Variants in RELL1 observed in about 807,000 individuals in gnomAD.
RELL1 encodes the protein RELT-like protein 1.
A neutral mutation model predicts 23.0 loss-of-function variants in RELL1; 10 were observed. The ratio of observed to expected loss-of-function variants is 0.43; its 90% CI spans 0.27 to 0.74. The LOEUF (loss-of-function observed/expected upper bound fraction) is 0.74. RELL1 is among the 30% of genes least tolerant of loss of function. The pLI, the probability that RELL1 is intolerant of heterozygous loss-of-function variation, is 0.19. For synonymous variants in RELL1, 146 were observed against 146.8 expected (o/e 0.99, Z 0.04); for missense variants, 315 against 364.4 (o/e 0.86, Z 1.10).
At chr4:37,604,830 C>CACACACACAGACACACAA (rs1560323701) in intron 6 of RELL1, among the ~76,000 whole-genome samples, 1 of 43,900 alleles carries the variant, frequency 2.3e-5, no homozygotes, top group Non-Finnish European at 5.0e-5. Flanking sequence ...CAGACACACA[C>CACACACACAGACACACAA]ATACACACAG....
At chr4:37,598,171 G>A (rs1409557495) in intron 6 of RELL1, among the ~76,000 whole-genome samples, 3 of 121,190 alleles carry the variant, frequency 2.5e-5, no homozygotes, top group Non-Finnish European at 3.3e-5. Flanking sequence ...TTGGTTGGCT[G>A]CAAATGACAG....
At chr4:37,668,354 T>C (rs1233864566) in intron 1 of RELL1, among the ~76,000 whole-genome samples, 2 of 152,214 alleles carry the variant, frequency 1.3e-5, no homozygotes, top group Non-Finnish European at 2.9e-5. Context: ...TGCCTGCGAT[T>C]GTAGGCCCGC....
At chr4:37,674,671 T>C (rs1028641160) in intron 1 of RELL1, among the ~76,000 whole-genome samples, 1 of 152,208 alleles carries the variant, frequency 6.6e-6, no homozygotes, top group Non-Finnish European at 1.5e-5. Context: ...CATAATTGTG[T>C]TGGGGACTTC....
downstream of RELL1, among the ~76,000 whole-genome samples, chr4:37,586,621 T>C (rs1000280783): frequency 6.6e-6 from 1 of 152,126 alleles, no homozygotes; most frequent in Non-Finnish European, 1.5e-5. Flanking sequence ...TTTAAAAAAA[T>C]GGAAGCAGCC....
chr4:37,681,647 G>A (rs35186781), intron 1 of RELL1, among the ~76,000 whole-genome samples: 1 of 146,476 alleles, frequency 6.8e-6, no homozygotes, highest in Non-Finnish European at 1.5e-5. Flanking sequence ...TCCTGCCTCA[G>A]CCTCCCCAGT....
At chr4:37,606,091 TG>T (rs990977202), downstream of RELL1, among the ~76,000 whole-genome samples, 24 of 100,532 alleles carry the variant, frequency 2.4e-4, no homozygotes, top group Non-Finnish European at 4.0e-4. This position sits in a 1 kb window ranked among gnomAD's most constrained non-coding sequence, Gnocchi z 4.1. Flanking sequence ...AGGGGAAGGA[TG>T]GAAGGCAAGA....
chr4:37,630,356 G>GTTTT (rs59763359), intron 6 of RELL1, among the ~76,000 whole-genome samples: 6 of 86,732 alleles, frequency 6.9e-5, no homozygotes, highest in Non-Finnish European at 1.1e-4. Context: ...TGTGTGTGTG[G>GTTTT]TTTTTTTTTT....
chr4:37,617,381 T>C (rs557125156), intron 6 of RELL1, among the ~76,000 whole-genome samples: 2 of 152,336 alleles, frequency 1.3e-5, no homozygotes, highest in South Asian at 4.1e-4. Context: ...GGGTAAACCC[T>C]GCAAACACAA....
chr4:37,588,938 T>G, downstream of RELL1: 1 of 1,535,624 alleles, frequency 6.5e-7, no homozygotes, highest in Non-Finnish European at 9.0e-7. Flanking sequence ...TGGAGGAATT[T>G]GTGATGAGCG....
In RELL1 at chr4:37,659,027, C is replaced by T. The variant is rs535712612; in HGVS notation, c.89-9527G>A. ...AGGTCATAACCTGGGATCCCTACAG[C>T]CTTGCTGGCTCTTCAAAAACAAGCC... On this transcript the variant is annotated intron_variant, in intron 1 of 6. Transcript: ENST00000454158. Among the ~76,000 whole-genome samples the T allele has an allele frequency of 2.0e-5, 3 of 152,342 alleles. No homozygotes were observed. The East Asian group carries it at 5.8e-4, about 29-fold the overall frequency.
At chr4:37,637,299 T>A (rs1042103116) in intron 4 of RELL1, among the ~76,000 whole-genome samples, 2 of 152,226 alleles carry the variant, frequency 1.3e-5, no homozygotes, top group Non-Finnish European at 2.9e-5. Context: ...ACATCTAACG[T>A]AGCCAGTTTG....
At chr4:37,597,180 G>A (rs1718886405) in intron 6 of RELL1, among the ~76,000 whole-genome samples, 1 of 152,082 alleles carries the variant, frequency 6.6e-6, no homozygotes, top group Non-Finnish European at 1.5e-5. Flanking sequence ...GCTGCCCTCT[G>A]AGCCTTGTTC....
chr4:37,605,111 C>T (rs1719155444), intron 6 of RELL1, among the ~76,000 whole-genome samples: 2 of 152,098 alleles, frequency 1.3e-5, no homozygotes, highest in Non-Finnish European at 2.9e-5. Context: ...AAGAAAGTTA[C>T]AAATAAGGAA....
downstream of RELL1, among the ~76,000 whole-genome samples, chr4:37,607,349 A>G (rs1413468940): frequency 6.6e-6 from 1 of 152,136 alleles, no homozygotes; most frequent in East Asian, 1.9e-4. Context: ...AAATGGAGGG[A>G]AGGGTTTACA....
intron 1 of RELL1, among the ~76,000 whole-genome samples, chr4:37,673,772 C>A (rs1319921993): frequency 3.3e-5 from 5 of 152,104 alleles, no homozygotes; most frequent in Non-Finnish European, 5.9e-5. Flanking sequence ...CTCTGGGGCT[C>A]TTCTATCACA....
At chr4:37,658,600 C>A (rs1038977251) in intron 1 of RELL1, among the ~76,000 whole-genome samples, 1 of 152,166 alleles carries the variant, frequency 6.6e-6, no homozygotes, top group Middle Eastern at 3.2e-3. Flanking sequence ...TGGATTCAAA[C>A]CAGGCAGTGT....
Position 37,635,030 on chromosome 4 carries a change from A to T in RELL1, c.537T>A (p.His179Gln), listed in dbSNP as rs1022270132. The change falls in exon 5 of 7, where the codon CAT (histidine) becomes CAA (glutamine). Residue 179 changes from histidine (H) to glutamine (Q), a missense_variant. Physicochemically the swap from His to Gln is conservative, Grantham distance 24. Transcript: ENST00000454158. ...CGACAACACCGCCCACCGTATGCAGATGATGGCCACAGACGTGCTTCCCTG... is the reference window on the plus strand; with the variant it reads ...CGACAACACCGCCCACCGTATGCAGTTGATGGCCACAGACGTGCTTCCCTG... ...GTPGKHVCGH[H>Q]LHTVGGVVER... 2 of 1,614,132 alleles carry T rather than the reference A, an allele frequency of 1.2e-6. No individual in the cohort carries two copies. The highest frequency in any genetic ancestry group is 8.5e-7 in the Non-Finnish European group (1 of 1,180,048).
At chr4:37,672,263 G>A (rs576413113) in intron 1 of RELL1, among the ~76,000 whole-genome samples, 4 of 152,022 alleles carry the variant, frequency 2.6e-5, no homozygotes, top group South Asian at 2.1e-4. Flanking sequence ...TCCCCATCCC[G>A]TAGCTACCTG....
chr4:37,643,941 T>A (rs1177436893), intron 3 of RELL1, among the ~76,000 whole-genome samples: 1 of 152,088 alleles, frequency 6.6e-6, no homozygotes. Flanking sequence ...GCGCAAAGGA[T>A]TGGAGTCACC....
Sources: allele counts gnomAD v4.1 joint callset (sites outside exome capture counted in the v4.1 genomes callset), GRCh38; gene constraint gnomAD v4.1.1; non-coding constraint Gnocchi (gnomAD v3.1); transcripts MANE v1.5; gene names NCBI Gene and HGNC (gene_info 2026-07-23, HGNC 2026-07-21).